PTHLH: variants seen among roughly 807,000 people sequenced by gnomAD.
PTHLH encodes the protein parathyroid hormone-related protein.
PTHLH carries 5 observed loss-of-function variants against 18.6 expected under a neutral mutation model. That is an observed-to-expected ratio of 0.27 (90% CI 0.14 to 0.56). PTHLH has a LOEUF of 0.56. Among genes scored for constraint, PTHLH ranks in the 20% least tolerant of loss-of-function variants. PTHLH has a pLI of 0.92. For missense variants in PTHLH, 207 were observed against 223.9 expected, an observed-to-expected ratio of 0.92 and a Z score of 0.48; for synonymous variants, 90 against 94.0, an observed-to-expected ratio of 0.96 and a Z score of 0.25.
chr12:27,958,972 C>G lies in PTHLH; in HGVS notation c.525-404G>C, dbSNP rs183308736. Among the ~76,000 whole-genome samples the G allele has an allele frequency of 1.9e-3, 295 of 152,330 alleles. 1 individual carries two copies. The highest frequency in any genetic ancestry group is 3.5e-3 in the Non-Finnish European group (235 of 68,036). Reference sequence around the variant, plus strand: ...ATACAATTCACTTGGAAGTTTATTCCCCAGTGACACCTGAATTAGGCAATC... The same window carrying G: ...ATACAATTCACTTGGAAGTTTATTCGCCAGTGACACCTGAATTAGGCAATC... On this transcript the variant is annotated intron_variant, in intron 5 of 5. Transcript: ENST00000545234.
rs1354606565 is a variant in PTHLH at position 27,972,682 on chromosome 12, C to T, written c.-518G>A. 6.6e-6 allele frequency: 1 copy of T among 151,982 alleles called. No homozygotes were observed. The highest frequency in any genetic ancestry group is 2.4e-5 in the African/African-American group (1 of 41,240). The allele number at this position is 151,982 out of a possible 1,614,324, so 9.4% of individuals were successfully genotyped here. A position where few individuals can be genotyped will look rare whatever the true frequency, so the allele number is the denominator to read the frequency against. ...TCTTGAAAGGAGACTTCTGTTCCCA[C>T]TAAAGGCAATTATTAGAAAGCAGGT... On this transcript the variant is annotated 5_prime_UTR_variant, in exon 1 of 6. It adds an upstream start codon to the 5' untranslated region. Coordinates refer to ENST00000545234, the MANE Select transcript of PTHLH (RefSeq NM_198965.2).
intron 2 of PTHLH, among the ~76,000 whole-genome samples, chr12:27,971,581 G>A (rs1399359039): frequency 6.6e-6 from 1 of 151,886 alleles, no homozygotes; most frequent in East Asian, 1.9e-4. Context: ...CAGGGTGGGA[G>A]AAATAGCACG....
rs1365787211 is a variant in PTHLH at position 27,970,205 on chromosome 12, C to T, written c.-203G>A. 2.8e-5 allele frequency: 14 copies of T among 506,144 alleles called. No homozygotes were observed. The highest frequency in any genetic ancestry group is 4.3e-5 in the Non-Finnish European group (11 of 254,110). 31.4% of individuals were successfully genotyped at this position (506,144 alleles called of 1,614,324 possible). A position where few individuals can be genotyped will look rare whatever the true frequency, so the allele number is the denominator to read the frequency against. On this transcript the variant is annotated 5_prime_UTR_variant, in exon 3 of 6. Transcript: ENST00000545234. ...CGGGCGGGGAGACATGCTGGCCGGG[C>T]GGCGCAGGTTGGAGGCGAGTTGAAA... is the stretch of plus-strand genomic sequence containing the variant.
chr12:27,969,176 A>C (rs966625413), intron 4 of PTHLH: 12 of 585,032 alleles, frequency 2.1e-5, no homozygotes, highest in Non-Finnish European at 3.4e-5. Flanking sequence ...ACACACATAA[A>C]GTCTCTCTCT....
At chr12:27,965,050 T>G (rs1407949580) in intron 4 of PTHLH, among the ~76,000 whole-genome samples, 1 of 152,234 alleles carries the variant, frequency 6.6e-6, no homozygotes, top group East Asian at 1.9e-4. Context: ...CTTTGTTGCC[T>G]TTGTTGGTGC....
chr12:27,972,287 A>G (rs2062877280), intron 1 of PTHLH, among the ~76,000 whole-genome samples: 1 of 152,204 alleles, frequency 6.6e-6, no homozygotes, highest in Admixed American at 6.5e-5. Flanking sequence ...AAGGACTGGC[A>G]TCAATAGACT....
chr12:27,965,824 A>G (rs1043599493), intron 4 of PTHLH, among the ~76,000 whole-genome samples: 1 of 152,256 alleles, frequency 6.6e-6, no homozygotes, highest in Non-Finnish European at 1.5e-5. Context: ...CTTTAATAAC[A>G]TTTATAAAAT....
chr12:27,962,482 A>G, intron 5 of PTHLH: 1 of 941,234 alleles, frequency 1.1e-6, no homozygotes, highest in Non-Finnish European at 1.3e-6. Flanking sequence ...TAGGTTGTGA[A>G]CTTAAATAAA....
intron 2 of PTHLH, among the ~76,000 whole-genome samples, chr12:27,970,694 C>T (rs983490550): frequency 6.6e-6 from 1 of 152,070 alleles, no homozygotes; most frequent in Non-Finnish European, 1.5e-5. Context: ...GACGAGCGGG[C>T]GCCAAGACCA....
At chr12:27,969,093 T>C in intron 4 of PTHLH, 3 of 386,698 alleles carry the variant, frequency 7.8e-6, no homozygotes, top group Non-Finnish European at 1.4e-5. Flanking sequence ...ACCCCCCAAC[T>C]TTTTTTCTTT....
intron 4 of PTHLH, among the ~76,000 whole-genome samples, chr12:27,968,004 A>G (rs746500776): frequency 6.6e-6 from 1 of 152,242 alleles, no homozygotes; most frequent in South Asian, 2.1e-4. Flanking sequence ...CCAAATAAAT[A>G]TAGTATTTAA....
Position 27,958,273 on chromosome 12 carries a change from T to C in PTHLH, c.*286A>G, listed in dbSNP as rs2062727854. On this transcript the variant is annotated 3_prime_UTR_variant, in exon 6 of 6. Coordinates refer to ENST00000545234, the MANE Select transcript of PTHLH (RefSeq NM_198965.2). ...TGATATGTATATCTAAAGTGCATTA[T>C]GTTACAAAAAATATAGAAATTCAGC... 7.2e-6 allele frequency: 2 copies of C among 278,698 alleles called. No individual in the cohort carries two copies. Among genetic ancestry groups the C allele is most frequent in the Non-Finnish European group, 1.3e-5 (2 of 150,488 alleles). The allele number at this position is 278,698 out of a possible 1,614,324, so 17.3% of individuals were successfully genotyped here.
intron 4 of PTHLH, among the ~76,000 whole-genome samples, chr12:27,964,256 CT>C (rs1362521565): frequency 0.15 from 7,656 of 52,224 alleles, 696 homozygotes; most frequent in African/African-American, 0.34. Context: ...CTCTCTCTCT[CT>C]CTCTCTCTCT....
chr12:27,961,292 T>TATATATATAAGTAC (rs2062752649), intron 5 of PTHLH, among the ~76,000 whole-genome samples: 1 of 13,198 alleles, frequency 7.6e-5, no homozygotes, highest in African/African-American at 4.5e-4. Flanking sequence ...TATACGTATA[T>TATATATATAAGTAC]ATATATACGT....
chr12:27,960,177 G>T (rs1442368391), intron 5 of PTHLH, among the ~76,000 whole-genome samples: 1 of 152,198 alleles, frequency 6.6e-6, no homozygotes, highest in African/African-American at 2.4e-5. Context: ...TTTACTATAT[G>T]TGTGTGCATA....
chr12:27,963,319 T>C (rs2062777781), intron 5 of PTHLH, 29 bp downstream of exon 5: 1 of 1,614,100 alleles, frequency 6.2e-7, no homozygotes, highest in Non-Finnish European at 8.5e-7. Context: ...AGCACCCCGC[T>C]GAGGCTACGG....
chr12:27,966,714 T>TA lies in PTHLH; in HGVS notation c.101+2679dup, dbSNP rs35473751. Among the ~76,000 whole-genome samples the TA allele has an allele frequency of 9.3e-4, 141 of 151,656 alleles. 1 individual carries two copies. Among genetic ancestry groups the TA allele is most frequent in the African/African-American group, 3.2e-3 (133 of 41,402 alleles). On this transcript the variant is annotated intron_variant, in intron 4 of 5. Coordinates refer to ENST00000545234, the MANE Select transcript of PTHLH (RefSeq NM_198965.2). ...GTATCATGTTCTCCTTTGATTATTGTAAAAAAAAATTGCAAAATTTTGGGG... is the reference window on the plus strand; with the variant it reads ...GTATCATGTTCTCCTTTGATTATTGTAAAAAAAAAATTGCAAAATTTTGGGG...
In PTHLH at chr12:27,971,559, A is replaced by G. The variant is rs148855084; in HGVS notation, c.-266+368T>C. On this transcript the variant is annotated intron_variant, in intron 2 of 5. Transcript: ENST00000545234. ...AGCCCGACTTTCCGGGTGATGCTCCACATATTTTACCCAGGGTGGGAGAAA... is the reference window on the plus strand; with the variant it reads ...AGCCCGACTTTCCGGGTGATGCTCCGCATATTTTACCCAGGGTGGGAGAAA... Among the ~76,000 whole-genome samples, 347 of 152,142 alleles carry G rather than the reference A, an allele frequency of 2.3e-3. 1 individual carries two copies. The highest frequency in any genetic ancestry group is 8.1e-3 in the African/African-American group (335 of 41,484).
In PTHLH at chr12:27,963,614, G is replaced by C. The variant is rs2062782183; in HGVS notation, c.258C>G (p.Pro86=). 5 of 1,614,116 alleles carry C rather than the reference G, an allele frequency of 3.1e-6. No homozygotes were observed. The highest frequency in any genetic ancestry group is 4.2e-6 in the Non-Finnish European group (5 of 1,180,020). The change falls in exon 5 of 6, where the codon CCC becomes CCG. Residue 86 remains proline (P), a synonymous_variant. Coordinates refer to ENST00000545234, the MANE Select transcript of PTHLH (RefSeq NM_198965.2). The part of the protein sequence containing the change: ...SEVSPNSKPS[P]NTKNHPVRFG... The stretch of plus-strand genomic sequence containing the variant: ...ATCGGACGGGGTGGTTCTTTGTGTT[G>C]GGAGAGGGCTTGGAGTTAGGGGACA...
Sources: gnomAD v4.1 joint callset for allele counts (sites outside exome capture counted in the v4.1 genomes callset) on GRCh38, gnomAD v4.1.1 for gene constraint, MANE v1.5 for transcripts, NCBI Gene and HGNC (gene_info 2026-07-23, HGNC 2026-07-21) for gene names.